FBN2: variants seen among roughly 807,000 people sequenced by gnomAD.
FBN2 encodes fibrillin 2, also known as fibrillin-2.
A neutral mutation model predicts 355.6 loss-of-function variants in FBN2; 105 were observed. The observed-to-expected ratio is 0.30, with a 90% CI of 0.25 to 0.35. The LOEUF is 0.35. Ranked by LOEUF, FBN2 falls within the 10% of genes least tolerant of loss-of-function variation. The pLI is 1.00. For missense variants in FBN2, 3,280 were observed against 3,758.7 expected (o/e 0.87, Z 3.33); for synonymous variants, 1,350 against 1,301.2 (o/e 1.04, Z -0.81).
intron 5 of FBN2, among the ~76,000 whole-genome samples, chr5:128,518,283 AT>A (rs113918836): frequency 0.26 from 39,967 of 152,024 alleles, 5,702 homozygotes; most frequent in Non-Finnish European, 0.33. Flanking sequence ...AATGCCAGAG[AT>A]TTTTCAGCAG....
Position 128,408,837 on chromosome 5 carries a change from C to T in FBN2, c.953-38G>A, listed in dbSNP as rs530523497. The T allele has an allele frequency of 2.5e-6, 4 of 1,612,452 alleles. No individual in the cohort carries two copies. In the African/African-American group the frequency reaches 4.0e-5, roughly 16 times the overall value. On this transcript the variant is annotated intron_variant, in intron 7 of 64. Coordinates refer to ENST00000262464, the MANE Select transcript of FBN2 (RefSeq NM_001999.4). ...AGAAGGAGAAGATGATTGAGAAAGG[C>T]CTTCATTAAATAGCTTTTAAAAGAG...
chr5:128,313,867 A>AC (rs1561765817), intron 36 of FBN2, among the ~76,000 whole-genome samples: 1 of 151,274 alleles, frequency 6.6e-6, no homozygotes, highest in Non-Finnish European at 1.5e-5. Context: ...AAAAAAAAAA[A>AC]AAAAAAAAAC....
At chr5:128,277,401 T>C (rs1457249257) in intron 58 of FBN2, among the ~76,000 whole-genome samples, 2 of 152,228 alleles carry the variant, frequency 1.3e-5, no homozygotes, top group African/African-American at 4.8e-5. Flanking sequence ...AATGCTTACT[T>C]GGTATACTTT....
chr5:128,472,809 G>T (rs1282694145), intron 5 of FBN2, among the ~76,000 whole-genome samples: 1 of 150,102 alleles, frequency 6.7e-6, no homozygotes, highest in Non-Finnish European at 1.5e-5. Context: ...AAAAAAAAAT[G>T]ATTAACACAG....
At chr5:128,421,333 T>C (rs1019987182) in intron 7 of FBN2, among the ~76,000 whole-genome samples, 17 of 152,088 alleles carry the variant, frequency 1.1e-4, no homozygotes, top group Non-Finnish European at 2.5e-4. Context: ...GCAGAGATGA[T>C]GGCACAGTCT....
intron 40 of FBN2, 21 bp from the exon 41 acceptor site, chr5:128,309,420 A>C (rs1181154851): frequency 6.2e-7 from 1 of 1,610,948 alleles, no homozygotes; most frequent in Admixed American, 1.7e-5. Flanking sequence ...AAAAACAAAG[A>C]AACTAGCCAT....
intron 5 of FBN2, among the ~76,000 whole-genome samples, chr5:128,488,278 A>C (rs772795502): frequency 1.4e-4 from 22 of 152,266 alleles, no homozygotes; most frequent in African/African-American, 5.3e-4. Flanking sequence ...TAAGGGACTA[A>C]GGCTTGCTGT....
chr5:128,305,378 G>T, intron 44 of FBN2, 133 bp downstream of exon 44: 1 of 1,014,144 alleles, frequency 9.9e-7, no homozygotes, highest in Non-Finnish European at 1.5e-6. Context: ...AAAAGATATG[G>T]TGAAATAGGT....
chr5:128,312,713 G>T lies in FBN2; in HGVS notation c.4800C>A (p.Gly1600=). 6.2e-7 allele frequency: 1 copy of T among 1,613,858 alleles called. No individual in the cohort carries two copies. The highest frequency in any genetic ancestry group is 1.1e-5 in the South Asian group (1 of 91,054). The stretch of plus-strand genomic sequence containing the variant: ...AGCAGCAGCATGAAGAGCGACTGAC[G>T]CCCACCCCGATCTCGGTGTTGCAAG... ...SLSCNTEIGV[G]VSRSSCCCSL... is the part of the protein sequence containing the mutation. Residue 1600 remains glycine (G), a synonymous_variant, in exon 37 of 65, where the codon GGC becomes GGA. Coordinates refer to ENST00000262464, the MANE Select transcript of FBN2 (RefSeq NM_001999.4).
chr5:128,305,847 T>C lies in FBN2; in HGVS notation c.5524A>G (p.Asn1842Asp). The C allele has an allele frequency of 6.2e-7, 1 of 1,614,040 alleles. No homozygotes were observed. The highest frequency in any genetic ancestry group is 8.5e-7 in the Non-Finnish European group (1 of 1,179,958). ...CCTTCACAAACCAACAGCAGGTCATTGTAACTGAATCCTGTAGGGCATTCA... is the reference window on the plus strand; with the variant it reads ...CCTTCACAAACCAACAGCAGGTCATCGTAACTGAATCCTGTAGGGCATTCA... ...RCECPTGFSYNDLLLVCEDID... is the reference protein window; with the variant it reads ...RCECPTGFSYDDLLLVCEDID... The change falls in exon 43 of 65, where the codon AAT becomes GAT. Residue 1842 changes from asparagine to aspartate, a missense_variant. Asn to Asp is a conservative substitution (Grantham distance 23). Around this residue, in one of 6 missense-constraint regions of FBN2, gnomAD observed 2,284 missense variants for 2,749.5 expected, o/e 0.83. Transcript: ENST00000262464.
chr5:128,263,328 C>A, intron 63 of FBN2, 97 bp downstream of exon 63: 1 of 955,262 alleles, frequency 1.0e-6, no homozygotes, highest in Admixed American at 1.7e-5. Flanking sequence ...TGCGGTTTGG[C>A]TTTTAGACAC....
intron 1 of FBN2, among the ~76,000 whole-genome samples, chr5:128,536,955 A>T (rs1346044517): frequency 6.6e-6 from 1 of 151,898 alleles, no homozygotes; most frequent in Non-Finnish European, 1.5e-5. Context: ...ACACGTCCTC[A>T]AACAAAAGGC....
chr5:128,429,584 A>G (rs1383231698), intron 7 of FBN2, among the ~76,000 whole-genome samples: 1 of 152,228 alleles, frequency 6.6e-6, no homozygotes, highest in Non-Finnish European at 1.5e-5. Context: ...GTAACATTAT[A>G]CTTTGTGGAA....
intron 55 of FBN2, among the ~76,000 whole-genome samples, chr5:128,286,070 G>A (rs999301913): frequency 2.0e-5 from 3 of 152,132 alleles, no homozygotes; most frequent in Admixed American, 6.5e-5. Context: ...TATGACTTAG[G>A]AGTTTAGGTT....
Position 128,298,482 on chromosome 5 carries a change from C to T in FBN2, c.6166+2335G>A, listed in dbSNP as rs372375309. Among the ~76,000 whole-genome samples, 34 of 152,184 alleles carry T rather than the reference C, an allele frequency of 2.2e-4. 1 individual carries two copies. Among genetic ancestry groups the T allele is most frequent in the Admixed American group, 1.3e-3 (20 of 15,284 alleles). On this transcript the variant is annotated intron_variant, in intron 48 of 64. Coordinates refer to ENST00000262464, the MANE Select transcript of FBN2 (RefSeq NM_001999.4). ...GTCACTTTCAGGTACACCAATCAGA[C>T]GTAGATTTGGTCTTTTCACATAGTC... is the stretch of plus-strand genomic sequence containing the variant.
At chr5:128,268,621 C>T (rs1765180646) in intron 62 of FBN2, among the ~76,000 whole-genome samples, 1 of 152,154 alleles carries the variant, frequency 6.6e-6, no homozygotes, top group South Asian at 2.1e-4. Context: ...ATGCGAAAAT[C>T]CTCAATAAAA....
intron 48 of FBN2, among the ~76,000 whole-genome samples, chr5:128,294,755 G>A (rs189175717): frequency 2.1e-4 from 31 of 151,084 alleles, no homozygotes; most frequent in Admixed American, 2.0e-4. Flanking sequence ...GTCAGAGTAG[G>A]TTGCGAAAAT....
chr5:128,524,444 G>C (rs149441022), intron 4 of FBN2, among the ~76,000 whole-genome samples: 2 of 152,104 alleles, frequency 1.3e-5, no homozygotes, highest in East Asian at 3.9e-4. Flanking sequence ...TGTGGCCAGG[G>C]TATTATCTTA....
At chr5:128,386,596 G>A (rs2126969903) in intron 11 of FBN2, among the ~76,000 whole-genome samples, 1 of 152,124 alleles carries the variant, frequency 6.6e-6, no homozygotes, top group Middle Eastern at 3.4e-3. Context: ...GCTAGAATCT[G>A]TAAATTGCTT....
Sources: allele counts gnomAD v4.1 joint callset (sites outside exome capture counted in the v4.1 genomes callset), GRCh38; gene constraint gnomAD v4.1.1; regional missense constraint gnomAD v4.1.1; transcripts MANE v1.5; gene names NCBI Gene and HGNC (gene_info 2026-07-23, HGNC 2026-07-21).